The following SLC2A12 variants were observed in gnomAD, a reference collection of about 807,000 sequenced individuals.
SLC2A12 encodes the protein solute carrier family 2 member 12.
A neutral mutation model predicts 41.8 loss-of-function variants in SLC2A12; 23 were observed. The ratio of observed to expected loss-of-function variants is 0.55; its 90% confidence interval spans 0.40 to 0.78. SLC2A12 has a LOEUF of 0.78. SLC2A12 is among the 30% of genes least tolerant of loss of function. The probability of loss-of-function intolerance (pLI) is 0.00; values close to 1 mark genes in which losing one functional copy is unlikely to be tolerated. For missense variants in SLC2A12, 654 were observed against 745.6 expected (o/e 0.88, Z 1.43); for synonymous variants, 295 against 285.9 (o/e 1.03, Z -0.32).
intron 2 of SLC2A12, among the ~76,000 whole-genome samples, chr6:134,013,248 T>C (rs1022035124): frequency 6.6e-6 from 1 of 151,998 alleles, no homozygotes. Flanking sequence ...GGTTGCATCA[T>C]TGCACTCCAG....
rs1477261509 is a variant in SLC2A12 at position 133,990,938 on chromosome 6, A to C, written c.*217T>G. On this transcript the variant is annotated 3_prime_UTR_variant, in exon 5 of 5. Coordinates refer to ENST00000275230, the MANE Select transcript of SLC2A12 (RefSeq NM_145176.3). ...TTTTTTAACCTGATATCCTGCTCAG[A>C]AAAAGAGATCACTTAGGACCTTGTA... The C allele has an allele frequency of 8.4e-6, 4 of 475,224 alleles. No individual in the cohort carries two copies. Among genetic ancestry groups the C allele is most frequent in the Non-Finnish European group, 1.4e-5 (4 of 276,676 alleles). 29.4% of individuals were successfully genotyped at this position (475,224 alleles called of 1,614,324 possible). A position where few individuals can be genotyped will look rare whatever the true frequency, so the allele number is the denominator to read the frequency against.
chr6:134,028,548 A>G lies in SLC2A12; in HGVS notation c.1277T>C (p.Val426Ala), dbSNP rs750393374. Residue 426 changes from valine to alanine, a missense_variant, in exon 2 of 5, where the codon GTG (valine) becomes GCG (alanine). Val to Ala is a moderately conservative substitution (Grantham distance 64). Around this residue, in one of 3 missense-constraint regions of SLC2A12, gnomAD observed 411 missense variants for 412.1 expected, o/e 1.00. Coordinates refer to ENST00000275230, the MANE Select transcript of SLC2A12 (RefSeq NM_145176.3). ...RSSLMPLRND[V>A]DKRGETTSAS... The stretch of plus-strand genomic sequence containing the variant: ...TGAGGTCGTCTCCCCTCTCTTATCC[A>G]CATCATTTCTCAGGGGCATGAGTGA... The G allele has an allele frequency of 5.0e-6, 8 of 1,614,024 alleles. No homozygotes were observed. In the African/African-American group the frequency reaches 9.3e-5, roughly 19 times the overall value.
At chr6:134,006,167 AG>A (rs1226990139) in intron 3 of SLC2A12, among the ~76,000 whole-genome samples, 3 of 138,764 alleles carry the variant, frequency 2.2e-5, no homozygotes, top group Non-Finnish European at 4.7e-5. Context: ...CAACAGAGAG[AG>A]ACTATCGGAA....
At position 134,048,030 on chromosome 6, in the gene SLC2A12, G is replaced by A. The variant is rs967099016; in HGVS notation, c.103+4348C>T. 7.2e-5 allele frequency among the ~76,000 whole-genome samples: 11 copies of A among 152,186 alleles called. No individual in the cohort carries two copies. In the South Asian group the frequency reaches 1.2e-3, roughly 17 times the overall value. On this transcript the variant is annotated intron_variant, in intron 1 of 4. Transcript: ENST00000275230. ...GAGGAGCAAGACCACTGCCGCGTAC[G>A]ATGCATAGCACCCAGAGTTTGCAGA...
At chr6:134,035,965 G>A (rs1777292544) in intron 1 of SLC2A12, among the ~76,000 whole-genome samples, 1 of 152,198 alleles carries the variant, frequency 6.6e-6, no homozygotes, top group Admixed American at 6.5e-5. Flanking sequence ...GCTGGTCAGT[G>A]AGTCAGATGA....
rs377642658 is a variant in SLC2A12, at chr6:134,052,364, C to A, written c.103+14G>T. 4.2e-5 allele frequency: 68 copies of A among 1,608,300 alleles called. No individual in the cohort carries two copies. Among genetic ancestry groups the A allele is most frequent in the Non-Finnish European group, 5.8e-5 (68 of 1,178,508 alleles). ...CTTCTCTGCGGTCACCCGAGCACTGCAGGCTCACTTTACCTCTCGCCCAGG... is the reference window on the plus strand; with the variant it reads ...CTTCTCTGCGGTCACCCGAGCACTGAAGGCTCACTTTACCTCTCGCCCAGG... On this transcript the variant is annotated intron_variant, in intron 1 of 4. Transcript: ENST00000275230.
At position 134,023,062 on chromosome 6, in the gene SLC2A12, C is replaced by G. The variant is rs371598553; in HGVS notation, c.1444+5319G>C. Among the ~76,000 whole-genome samples the G allele has an allele frequency of 5.3e-5, 8 of 152,298 alleles. No homozygotes were observed. The East Asian group carries it at 1.4e-3, about 26-fold the overall frequency. On this transcript the variant is annotated intron_variant, in intron 2 of 4. Coordinates refer to ENST00000275230, the MANE Select transcript of SLC2A12 (RefSeq NM_145176.3). Reference sequence around the variant, plus strand: ...TTCTTTTTGTCTTTCAAAGCTCCCCCTTTGCCCCAACCCCCAGATATGTCT... The same window carrying G: ...TTCTTTTTGTCTTTCAAAGCTCCCCGTTTGCCCCAACCCCCAGATATGTCT...
intron 4 of SLC2A12, among the ~76,000 whole-genome samples, chr6:133,999,107 A>G (rs1776726718): frequency 6.6e-6 from 1 of 152,226 alleles, no homozygotes; most frequent in Non-Finnish European, 1.5e-5. Context: ...CCAATGCAGT[A>G]TAGAAGTAAA....
At chr6:134,009,125 G>A (rs1294442066) in intron 2 of SLC2A12, 3 of 152,174 alleles carry the variant, frequency 2.0e-5, no homozygotes, top group Non-Finnish European at 4.4e-5. Context: ...ACAAGAAGAT[G>A]GGACAGTTGC....
intron 2 of SLC2A12, among the ~76,000 whole-genome samples, chr6:134,017,814 A>G (rs975189231): frequency 2.6e-5 from 4 of 151,400 alleles, no homozygotes; most frequent in East Asian, 3.9e-4. Flanking sequence ...AGATCGCGCC[A>G]CTGCACTCCA....
chr6:134,043,770 G>A (rs1321954518), intron 1 of SLC2A12, among the ~76,000 whole-genome samples: 1 of 136,040 alleles, frequency 7.4e-6, no homozygotes, highest in African/African-American at 2.8e-5. Context: ...CTAGCCTGGC[G>A]ACAGAGCGAG....
At chr6:134,037,383 C>A (rs572806134) in intron 1 of SLC2A12, among the ~76,000 whole-genome samples, 1 of 144,848 alleles carries the variant, frequency 6.9e-6, no homozygotes, top group Non-Finnish European at 1.5e-5. Flanking sequence ...TTTTTTCAGA[C>A]GGAGTCTGGC....
chr6:134,020,457 C>A (rs1478658968), intron 2 of SLC2A12, among the ~76,000 whole-genome samples: 2 of 152,176 alleles, frequency 1.3e-5, no homozygotes, highest in Non-Finnish European at 2.9e-5. Context: ...TAATAAAAAT[C>A]TTCTTTAAAC....
At chr6:133,997,085 CAAAAA>C (rs58295985) in intron 4 of SLC2A12, among the ~76,000 whole-genome samples, 4 of 70,716 alleles carry the variant, frequency 5.7e-5, no homozygotes, top group Non-Finnish European at 7.8e-5. Context: ...ACTAAAAATA[CAAAAA>C]AAAAAAAAAA....
Position 134,028,477 on chromosome 6 carries a change from C to A in SLC2A12, c.1348G>T (p.Val450Phe). Residue 450 changes from valine to phenylalanine, a missense_variant, in exon 2 of 5, where the codon GTC (valine) becomes TTC (phenylalanine). Coordinates refer to ENST00000275230, the MANE Select transcript of SLC2A12 (RefSeq NM_145176.3). ...AGLSHTEYQI[V>F]TDPGDVPAFL... ...GCTGGGACGTCCCCAGGGTCTGTGA[C>A]TATCTGGTATTCAGTGTGGCTTAAT... 1 of 1,614,210 alleles carries A rather than the reference C, an allele frequency of 6.2e-7. No homozygotes were observed. Among genetic ancestry groups the A allele is most frequent in the Non-Finnish European group, 8.5e-7 (1 of 1,180,032 alleles).
At chr6:134,032,540 T>C (rs1238180052) in intron 1 of SLC2A12, among the ~76,000 whole-genome samples, 1 of 144,826 alleles carries the variant, frequency 6.9e-6, no homozygotes, top group Non-Finnish European at 1.5e-5. Context: ...CATGGAGTTA[T>C]ATGCTACAGA....
intron 2 of SLC2A12, among the ~76,000 whole-genome samples, chr6:134,026,975 G>A (rs1438817096): frequency 6.6e-6 from 1 of 152,194 alleles, no homozygotes; most frequent in Non-Finnish European, 1.5e-5. Context: ...GAAAAATGAG[G>A]AGGTGGAGTT....
intron 3 of SLC2A12, 145 bp downstream of exon 3, chr6:134,006,667 G>A: frequency 4.0e-6 from 4 of 995,176 alleles, no homozygotes; most frequent in Non-Finnish European, 5.7e-6. Context: ...TGTAAATTGG[G>A]TCATGGGTAC....
At chr6:134,031,427 A>AG (rs944584881) in intron 1 of SLC2A12, among the ~76,000 whole-genome samples, 10 of 37,262 alleles carry the variant, frequency 2.7e-4, no homozygotes, top group African/African-American at 1.0e-3. Flanking sequence ...AACAACAAAC[A>AG]AAAAAAACAT....
Sources: gnomAD v4.1 joint callset for allele counts (sites outside exome capture counted in the v4.1 genomes callset) on GRCh38, gnomAD v4.1.1 for gene constraint, gnomAD v4.1.1 regional missense constraint, MANE v1.5 for transcripts, NCBI Gene and HGNC (gene_info 2026-07-23, HGNC 2026-07-21) for gene names.